KANSL3: variants seen among roughly 807,000 people sequenced by gnomAD.
The protein encoded by KANSL3 is NSL complex protein NSL3.
Under a neutral mutation model 89.2 loss-of-function variants are expected in KANSL3, and 16 were observed. That is an observed-to-expected ratio of 0.18 (90% CI 0.12 to 0.27). The LOEUF is 0.27. KANSL3 is among the 10% of genes least tolerant of loss of function. KANSL3 has a pLI of 1.00. For synonymous variants in KANSL3, 385 were observed against 419.7 expected, an observed-to-expected ratio of 0.92 and a Z score of 1.01; for missense variants, 879 against 1,110.6, an observed-to-expected ratio of 0.79 and a Z score of 2.96.
intron 2 of KANSL3, among the ~76,000 whole-genome samples, chr2:96,636,482 G>A (rs1040223781): frequency 5.3e-5 from 8 of 152,202 alleles, no homozygotes; most frequent in Non-Finnish European, 1.2e-4. Context: ...CCTAACCTTC[G>A]TGTGTGAAAC....
chr2:96,613,496 T>A lies in KANSL3; in HGVS notation c.787A>T (p.Asn263Tyr), dbSNP rs539162851. The change falls in exon 6 of 21, where the codon AAC becomes TAC. Residue 263 changes from asparagine to tyrosine, a missense_variant. By Grantham distance (143) the Asn-to-Tyr change is moderately radical (BLOSUM62 -2). This residue lies in a region of KANSL3 where 198 missense variants were observed against 260.3 expected (regional missense o/e 0.76). Coordinates refer to ENST00000431828, the MANE Select transcript of KANSL3 (RefSeq NM_001115016.3). ...TGAGCCATCCAACTTACTGGTTTGTTATGAGAAAGCACACCCACAGCAGGG... is the reference window on the plus strand; with the variant it reads ...TGAGCCATCCAACTTACTGGTTTGTAATGAGAAAGCACACCCACAGCAGGG... ...WDPAVGVLSHNKPSKLPGSPL... is the reference protein window; with the variant it reads ...WDPAVGVLSHYKPSKLPGSPL... 6.2e-7 allele frequency: 1 copy of A among 1,613,360 alleles called. No homozygotes were observed. The highest frequency in any genetic ancestry group is 2.2e-5 in the East Asian group (1 of 44,868).
intron 5 of KANSL3, chr2:96,615,305 C>T (rs1281528213): frequency 6.1e-6 from 1 of 164,992 alleles, no homozygotes; most frequent in Non-Finnish European, 1.3e-5. Context: ...ATTTTTAAAT[C>T]TCCATTTTCT....
chr2:96,591,569 T>C (rs149662571), downstream of KANSL3, among the ~76,000 whole-genome samples: 1 of 152,328 alleles, frequency 6.6e-6, no homozygotes, highest in East Asian at 1.9e-4. Context: ...AACACACATA[T>C]CTAACAGTCC....
In KANSL3 at chr2:96,593,532, T is replaced by C. The variant is rs1427523296; in HGVS notation, c.*2079A>G. The stretch of plus-strand genomic sequence containing the variant: ...TCTAGGCCTCAGCCACTTCCTCTGT[T>C]ACCCTGTGCAAGTTGTAGAACAATC... On this transcript the variant is annotated 3_prime_UTR_variant, in exon 21 of 21. Transcript: ENST00000431828. The C allele has an allele frequency of 8.5e-6, 3 of 351,004 alleles. No homozygotes were observed. The highest frequency in any genetic ancestry group is 6.4e-5 in the African/African-American group (3 of 46,678). The allele number at this position is 351,004 out of a possible 1,614,324, so 21.7% of individuals were successfully genotyped here. A position where few individuals can be genotyped will look rare whatever the true frequency, so the allele number is the denominator to read the frequency against.
At position 96,627,368 on chromosome 2, in the gene KANSL3, C is replaced by T. The variant is rs2072538406; in HGVS notation, c.386+3944G>A. On this transcript the variant is annotated intron_variant, in intron 3 of 20. Transcript: ENST00000431828. ...TAGCTGAGATTACAGGCGTTTGCCA[C>T]CACACCAGCTAATTTTTACTATTTT... Among the ~76,000 whole-genome samples the T allele has an allele frequency of 3.3e-5, 5 of 152,132 alleles. No individual in the cohort carries two copies. The South Asian group carries it at 8.3e-4, about 25-fold the overall frequency.
rs2074557582 is a variant in KANSL3 at position 96,638,268 on chromosome 2, C to T, written c.-51+15G>A. 6.6e-6 allele frequency: 1 copy of T among 152,330 alleles called. No individual in the cohort carries two copies. The highest frequency in any genetic ancestry group is 2.4e-5 in the African/African-American group (1 of 41,458). 9.4% of individuals were successfully genotyped at this position (152,330 alleles called of 1,614,324 possible). A position where few individuals can be genotyped will look rare whatever the true frequency, so the allele number is the denominator to read the frequency against. ...CACGGCCCGCCACTCCCCTCGAAGC[C>T]AACGCTGCTCTCACCCGCGGTCTTA... On this transcript the variant is annotated intron_variant, in intron 1 of 20. Transcript: ENST00000431828.
chr2:96,616,613 C>A (rs1451691257), intron 5 of KANSL3, among the ~76,000 whole-genome samples: 1 of 152,284 alleles, frequency 6.6e-6, no homozygotes, highest in Admixed American at 6.5e-5. Context: ...TGGGAAACAA[C>A]CAAAGTATTT....
chr2:96,607,160 T>G (rs2068108263), intron 14 of KANSL3: 2 of 513,978 alleles, frequency 3.9e-6, no homozygotes, highest in African/African-American at 4.0e-5. Flanking sequence ...CCTTCTGAAA[T>G]TACTGCATGG....
chr2:96,583,405 G>A, the KANSL3 span, among the ~76,000 whole-genome samples: 47,741 of 151,928 alleles, frequency 0.31, 7,771 homozygotes, highest in Non-Finnish European at 0.37. Flanking sequence ...TCCCCCCGAC[G>A]GAAAAAGTCT....
downstream of KANSL3, among the ~76,000 whole-genome samples, chr2:96,592,539 G>A (rs2066294900): frequency 6.6e-6 from 1 of 152,136 alleles, no homozygotes; most frequent in Non-Finnish European, 1.5e-5. Context: ...TGCAGGCCAA[G>A]CCACCATCTC....
intron 14 of KANSL3, 27 bp from the exon 15 acceptor site, chr2:96,605,538 C>T (rs776756679): frequency 1.3e-5 from 20 of 1,588,354 alleles, no homozygotes; most frequent in Non-Finnish European, 1.7e-5. Flanking sequence ...AGTTGAGATC[C>T]TCCACAATCC....
At chr2:96,596,110 T>C (rs142086890) in intron 20 of KANSL3, among the ~76,000 whole-genome samples, 63 of 152,334 alleles carry the variant, frequency 4.1e-4, no homozygotes, top group Admixed American at 7.8e-4. Flanking sequence ...TTTGAGGCCT[T>C]AGACATGTAG....
intron 9 of KANSL3, among the ~76,000 whole-genome samples, chr2:96,611,930 T>TGTGTGTGTGTGTGTGTGG (rs2069072958): frequency 6.6e-6 from 1 of 150,624 alleles, no homozygotes; most frequent in African/African-American, 2.5e-5. Flanking sequence ...TGTGTGTGTG[T>TGTGTGTGTGTGTGTGTGG]GTGTGTGTAT....
At chr2:96,635,668 T>C (rs910572689) in intron 2 of KANSL3, among the ~76,000 whole-genome samples, 3 of 152,126 alleles carry the variant, frequency 2.0e-5, no homozygotes, top group Admixed American at 1.3e-4. Context: ...GGAAATGAAA[T>C]AAAAGACACT....
At chr2:96,615,093 A>AG (rs1266421169) in intron 5 of KANSL3, 1 of 143,576 alleles carries the variant, frequency 7.0e-6, no homozygotes, top group Non-Finnish European at 1.5e-5. Flanking sequence ...GCTTGAACCC[A>AG]GGAGGCAGAG....
At chr2:96,608,301 A>C (rs377275701) in intron 14 of KANSL3, among the ~76,000 whole-genome samples, 106 of 152,346 alleles carry the variant, frequency 7.0e-4, no homozygotes, top group Middle Eastern at 3.4e-3. Flanking sequence ...ACAAAGCTAT[A>C]ACTAGTGATC....
intron 3 of KANSL3, chr2:96,628,699 A>G (rs1349121505): frequency 8.5e-5 from 13 of 152,442 alleles, no homozygotes; most frequent in Admixed American, 8.5e-4. Context: ...TAGTATTATT[A>G]AGTCTCTAAT....
rs1425292530 is a variant in KANSL3 at position 96,608,861 on chromosome 2, T to C, written c.1584+3A>G. The C allele has an allele frequency of 1.9e-6, 3 of 1,571,980 alleles. No individual in the cohort carries two copies. The highest frequency in any genetic ancestry group is 2.6e-6 in the Non-Finnish European group (3 of 1,159,026). Reference sequence around the variant, plus strand: ...AAAAGCGCTCCCTCCCTGCTCACACTACCTCTGAGCCTGAGGGTGAGGCGG... The same window carrying C: ...AAAAGCGCTCCCTCCCTGCTCACACCACCTCTGAGCCTGAGGGTGAGGCGG... On this transcript the variant is annotated splice_donor_region_variant and intron_variant, in intron 13 of 20. Transcript: ENST00000431828.
chr2:96,627,845 T>C lies in KANSL3; in HGVS notation c.386+3467A>G, dbSNP rs911769768. The C allele has an allele frequency of 2.5e-6, 3 of 1,176,506 alleles. No individual in the cohort carries two copies. The East Asian group carries it at 1.7e-4, about 67-fold the overall frequency. The allele number at this position is 1,176,506 out of a possible 1,614,324, so 72.9% of individuals were successfully genotyped here. ...GGCTACAGATTCAGGGACAGGGTCA[T>C]AAAATGGTGGTATCTGAAACTGAAA... On this transcript the variant is annotated intron_variant, in intron 3 of 20. Transcript: ENST00000431828.
Sources: allele counts gnomAD v4.1 joint callset (sites outside exome capture counted in the v4.1 genomes callset), GRCh38; gene constraint gnomAD v4.1.1; regional missense constraint gnomAD v4.1.1; transcripts MANE v1.5; gene names NCBI Gene and HGNC (gene_info 2026-07-23, HGNC 2026-07-21).